Variants in UBL3 observed in about 807,000 individuals in gnomAD.
UBL3 encodes ubiquitin like 3.
UBL3 carries 6 observed loss-of-function variants against 18.4 expected under a neutral mutation model. That is an observed-to-expected ratio of 0.33 (90% CI 0.18 to 0.64). UBL3 has a LOEUF of 0.64. UBL3 is among the 30% of genes least tolerant of loss of function. The probability of loss-of-function intolerance (pLI) is 0.76; values close to 1 mark genes in which losing one functional copy is unlikely to be tolerated. For synonymous variants in UBL3, 49 were observed against 46.6 expected, an observed-to-expected ratio of 1.05 and a Z score of -0.21; for missense variants, 109 against 142.9, an observed-to-expected ratio of 0.76 and a Z score of 1.21.
intron 1 of UBL3, among the ~76,000 whole-genome samples, chr13:29,821,962 A>G (rs976799550): frequency 2.0e-5 from 3 of 152,214 alleles, no homozygotes; most frequent in Admixed American, 2.0e-4. Context: ...TACCTGAATT[A>G]GAAGATCCAG....
intron 1 of UBL3, 59 bp downstream of exon 1, chr13:29,849,453 C>A: frequency 6.2e-7 from 1 of 1,611,972 alleles, no homozygotes; most frequent in Non-Finnish European, 8.5e-7. Flanking sequence ...GCCGTCTTTC[C>A]GATTAAATAA....
At chr13:29,774,719 T>A (rs542791877) in intron 2 of UBL3, among the ~76,000 whole-genome samples, 19 of 152,258 alleles carry the variant, frequency 1.2e-4, no homozygotes, top group Middle Eastern at 3.4e-3. Flanking sequence ...CCAAGACATG[T>A]CCTTAGGGTC....
At chr13:29,832,029 T>G (rs1878790525) in intron 1 of UBL3, among the ~76,000 whole-genome samples, 1 of 152,236 alleles carries the variant, frequency 6.6e-6, no homozygotes, top group African/African-American at 2.4e-5. Flanking sequence ...GCTACCTTAC[T>G]AGACGACACA....
At chr13:29,800,027 G>A (rs1203964453) in intron 1 of UBL3, among the ~76,000 whole-genome samples, 2 of 152,060 alleles carry the variant, frequency 1.3e-5, no homozygotes, top group African/African-American at 4.8e-5. Context: ...GATGACTAGG[G>A]CAGGGAATAG....
intron 1 of UBL3, among the ~76,000 whole-genome samples, chr13:29,786,902 C>T (rs1234465927): frequency 6.8e-6 from 1 of 147,568 alleles, no homozygotes; most frequent in Non-Finnish European, 1.5e-5. Flanking sequence ...GTCAGAGAGT[C>T]CTCTAGCTTA....
At chr13:29,815,058 T>C (rs575927075) in intron 1 of UBL3, among the ~76,000 whole-genome samples, 2 of 152,188 alleles carry the variant, frequency 1.3e-5, no homozygotes, top group Admixed American at 6.6e-5. Flanking sequence ...AGATTATTAT[T>C]ACTGTGTTAG....
At position 29,766,299 on chromosome 13, in the gene UBL3, G is replaced by A. The variant is rs1259425684; in HGVS notation, c.*956C>T. The A allele has an allele frequency of 1.3e-5, 2 of 152,394 alleles. No individual in the cohort carries two copies. Among genetic ancestry groups the A allele is most frequent in the East Asian group, 3.9e-4 (2 of 5,190 alleles). 9.4% of individuals were successfully genotyped at this position (152,394 alleles called of 1,614,324 possible). On this transcript the variant is annotated 3_prime_UTR_variant, in exon 5 of 5. Transcript: ENST00000380680. ...ATAAAGAAACAAAATTAGTACTATGGAGTTTTTTTTTAATTTTAAGAATTC... is the reference window on the plus strand; with the variant it reads ...ATAAAGAAACAAAATTAGTACTATGAAGTTTTTTTTTAATTTTAAGAATTC...
chr13:29,835,105 T>G (rs868086543), intron 1 of UBL3, among the ~76,000 whole-genome samples: 1 of 25,020 alleles, frequency 4.0e-5, no homozygotes, highest in Admixed American at 6.2e-4. Context: ...TATATATATA[T>G]AAATATATAT....
intron 1 of UBL3, among the ~76,000 whole-genome samples, chr13:29,785,067 G>A (rs1040820542): frequency 2.6e-5 from 4 of 151,948 alleles, no homozygotes; most frequent in East Asian, 1.9e-4. Flanking sequence ...CACCATGCCC[G>A]GCTAATTTTT....
chr13:29,791,204 C>T (rs1340746986), intron 1 of UBL3, among the ~76,000 whole-genome samples: 1 of 152,142 alleles, frequency 6.6e-6, no homozygotes, highest in Non-Finnish European at 1.5e-5. Flanking sequence ...CTTGCCCTTA[C>T]CCAATTACTA....
intron 1 of UBL3, among the ~76,000 whole-genome samples, chr13:29,832,402 G>C (rs1878802095): frequency 6.6e-6 from 1 of 150,634 alleles, no homozygotes; most frequent in Non-Finnish European, 1.5e-5. Flanking sequence ...GCGCTATCTC[G>C]GCTCACTGCA....
At position 29,767,039 on chromosome 13, in the gene UBL3, C is replaced by T. The variant is rs531125649; in HGVS notation, c.*216G>A. 4.5e-6 allele frequency: 2 copies of T among 445,640 alleles called. No individual in the cohort carries two copies. Among genetic ancestry groups the T allele is most frequent in the East Asian group, 7.2e-5 (2 of 27,634 alleles). The allele number at this position is 445,640 out of a possible 1,614,324, so 27.6% of individuals were successfully genotyped here. A position where few individuals can be genotyped will look rare whatever the true frequency, so the allele number is the denominator to read the frequency against. ...CAAAAACCAATATGTGTTAAAACAGCTCAACAAAAAATACAAGAAATAAAA... is the reference window on the plus strand; with the variant it reads ...CAAAAACCAATATGTGTTAAAACAGTTCAACAAAAAATACAAGAAATAAAA... On this transcript the variant is annotated 3_prime_UTR_variant, in exon 5 of 5. Coordinates refer to ENST00000380680, the MANE Select transcript of UBL3 (RefSeq NM_007106.4).
At chr13:29,767,387 A>C in intron 4 of UBL3, 80 bp from the exon 5 acceptor site, 4 of 1,519,938 alleles carry the variant, frequency 2.6e-6, no homozygotes, top group Non-Finnish European at 3.6e-6. Flanking sequence ...CAAGTGTAGG[A>C]AGTAGTAGTT....
intron 3 of UBL3, among the ~76,000 whole-genome samples, chr13:29,769,296 C>T (rs1222929921): frequency 3.9e-5 from 6 of 152,110 alleles, no homozygotes; most frequent in African/African-American, 9.6e-5. Context: ...AAATGTAATG[C>T]GTGGGAGCTA....
Position 29,772,196 on chromosome 13 carries a change from A to C in UBL3, c.139T>G (p.Trp47Gly). Reference sequence around the variant, plus strand: ...GGACTGCTGACCTGCTCTTCTTCCCAGTCTGAAAAGAATCCAGTGTACTGG... The same window carrying C: ...GGACTGCTGACCTGCTCTTCTTCCCCGTCTGAAAAGAATCCAGTGTACTGG... The part of the protein sequence containing the change: ...KHVYDNWPMD[W>G]EEEQVSSPNI... The change falls in exon 3 of 5, where the codon TGG (tryptophan) becomes GGG (glycine). Residue 47 changes from tryptophan to glycine, a missense_variant and splice_region_variant. Physicochemically the swap from Trp to Gly is radical, Grantham distance 184. Transcript: ENST00000380680. 1 of 1,611,064 alleles carries C rather than the reference A, an allele frequency of 6.2e-7. No individual in the cohort carries two copies. The highest frequency in any genetic ancestry group is 8.5e-7 in the Non-Finnish European group (1 of 1,178,172).
chr13:29,841,786 T>G (rs1879107787), intron 1 of UBL3, among the ~76,000 whole-genome samples: 2 of 152,182 alleles, frequency 1.3e-5, no homozygotes. Flanking sequence ...CTATGTGATC[T>G]CAAACAAGTT....
At chr13:29,777,896 A>G (rs1220213753) in intron 1 of UBL3, among the ~76,000 whole-genome samples, 3 of 152,030 alleles carry the variant, frequency 2.0e-5, no homozygotes, top group African/African-American at 7.3e-5. Flanking sequence ...CCTCCCAAGT[A>G]GCTGGGATTA....
At chr13:29,820,167 TCC>T (rs1484544385) in intron 1 of UBL3, among the ~76,000 whole-genome samples, 3 of 131,236 alleles carry the variant, frequency 2.3e-5, no homozygotes, top group Admixed American at 8.3e-5. Context: ...CCCTCAGAGT[TCC>T]TTTTTTTTTT....
chr13:29,813,178 T>C (rs144886038), intron 1 of UBL3, among the ~76,000 whole-genome samples: 1 of 152,058 alleles, frequency 6.6e-6, no homozygotes, highest in African/African-American at 2.4e-5. Context: ...ATAGTTTTAA[T>C]TTATGAATAC....
Sources: gnomAD v4.1 joint callset for allele counts (sites outside exome capture counted in the v4.1 genomes callset) on GRCh38, gnomAD v4.1.1 for gene constraint, MANE v1.5 for transcripts, NCBI Gene and HGNC (gene_info 2026-07-23, HGNC 2026-07-21) for gene names.